GRB2: variants seen among roughly 807,000 people sequenced by gnomAD.
GRB2 encodes the protein growth factor receptor-bound protein 2.
Under a neutral mutation model 27.4 loss-of-function variants are expected in GRB2, and 2 were observed. The ratio of observed to expected loss-of-function variants is 0.07; its 90% CI spans 0.03 to 0.23. The LOEUF (loss-of-function observed/expected upper bound fraction) is 0.23. Among genes scored for constraint, GRB2 ranks in the 10% least tolerant of loss-of-function variants. The pLI, the probability that GRB2 is intolerant of heterozygous loss-of-function variation, is 1.00. For synonymous variants in GRB2, 94 were observed against 99.6 expected, an observed-to-expected ratio of 0.94 and a Z score of 0.33; for missense variants, 102 against 282.4, an observed-to-expected ratio of 0.36 and a Z score of 4.58.
intron 2 of GRB2, among the ~76,000 whole-genome samples, chr17:75,348,223 T>C (rs761511345): frequency 1.3e-5 from 2 of 152,190 alleles, no homozygotes; most frequent in Non-Finnish European, 2.9e-5. Context: ...TTTAAAATTT[T>C]TTTGTGGAGG....
chr17:75,384,383 T>C (rs891956952), intron 2 of GRB2, among the ~76,000 whole-genome samples: 1 of 152,140 alleles, frequency 6.6e-6, no homozygotes, highest in Non-Finnish European at 1.5e-5. Flanking sequence ...TTAATAAAAC[T>C]GATAGCTGGG....
At chr17:75,328,931 C>T (rs529672479) in intron 3 of GRB2, among the ~76,000 whole-genome samples, 82 of 130,552 alleles carry the variant, frequency 6.3e-4, no homozygotes, top group African/African-American at 2.2e-3. Flanking sequence ...AAGCGAGACT[C>T]GCTTTCAAAA....
intron 2 of GRB2, among the ~76,000 whole-genome samples, chr17:75,378,047 A>G (rs1286222692): frequency 6.6e-6 from 1 of 152,170 alleles, no homozygotes; most frequent in African/African-American, 2.4e-5. Context: ...AACCTTTATG[A>G]AATCATTTCT....
intron 2 of GRB2, among the ~76,000 whole-genome samples, chr17:75,369,127 T>C (rs1237167405): frequency 1.3e-5 from 2 of 152,240 alleles, no homozygotes; most frequent in Non-Finnish European, 2.9e-5. Flanking sequence ...CTAGGTCCTC[T>C]GTATCTGGCC....
At chr17:75,365,342 A>G (rs1385351982) in intron 2 of GRB2, among the ~76,000 whole-genome samples, 1 of 152,252 alleles carries the variant, frequency 6.6e-6, no homozygotes, top group Non-Finnish European at 1.5e-5. Flanking sequence ...AATTAGAACC[A>G]TTTAAATCTT....
At chr17:75,327,714 TA>T (rs1269954392) in intron 3 of GRB2, among the ~76,000 whole-genome samples, 2 of 152,164 alleles carry the variant, frequency 1.3e-5, no homozygotes, top group African/African-American at 4.8e-5. Flanking sequence ...AAGATGTACC[TA>T]AAATAATATA....
chr17:75,399,682 A>AT (rs35652643), intron 1 of GRB2, among the ~76,000 whole-genome samples: 56,998 of 146,932 alleles, frequency 0.39, 13,420 homozygotes, highest in Non-Finnish European at 0.53. Context: ...TTATTTATTT[A>AT]TTTTTTTGAG....
In GRB2 at chr17:75,356,489, C is replaced by T. The variant is rs575700190; in HGVS notation, c.79-23692G>A. On this transcript the variant is annotated intron_variant, in intron 2 of 5. Coordinates refer to ENST00000316804, the MANE Select transcript of GRB2 (RefSeq NM_002086.5). The stretch of plus-strand genomic sequence containing the variant: ...CACCACTGTACCGCAGCCTAAGTGA[C>T]AGGGCAAGACCCTATCATTCGTTCT... 4.6e-5 allele frequency among the ~76,000 whole-genome samples: 7 copies of T among 152,298 alleles called. No individual in the cohort carries two copies. The East Asian group carries it at 1.2e-3, about 25-fold the overall frequency.
At chr17:75,395,770 C>A (rs1438585211) in intron 1 of GRB2, among the ~76,000 whole-genome samples, 11 of 151,886 alleles carry the variant, frequency 7.2e-5, no homozygotes, top group African/African-American at 2.7e-4. Flanking sequence ...CTGGTTTAAT[C>A]AGTAGTATGT....
chr17:75,390,786 A>T (rs2145870676), intron 2 of GRB2, among the ~76,000 whole-genome samples: 1 of 152,334 alleles, frequency 6.6e-6, no homozygotes, highest in Non-Finnish European at 1.5e-5. Flanking sequence ...TCTGAACTAT[A>T]GACAGAGGAT....
At chr17:75,322,739 G>A (rs1434244512) in intron 4 of GRB2, among the ~76,000 whole-genome samples, 2 of 152,178 alleles carry the variant, frequency 1.3e-5, no homozygotes, top group Non-Finnish European at 2.9e-5. Context: ...GCTGGTACTA[G>A]CTCACAGGGT....
intron 1 of GRB2, chr17:75,404,838 T>C (rs1485428395): frequency 6.6e-6 from 1 of 152,178 alleles, no homozygotes. Flanking sequence ...ATGTGTGGCT[T>C]ACAATCATAG....
At chr17:75,363,597 C>T (rs2078799467) in intron 2 of GRB2, among the ~76,000 whole-genome samples, 1 of 151,634 alleles carries the variant, frequency 6.6e-6, no homozygotes. Context: ...TGGTGGCTCA[C>T]GCCTGTAATC....
At chr17:75,399,680 TTA>T (rs999121403) in intron 1 of GRB2, among the ~76,000 whole-genome samples, 3 of 121,474 alleles carry the variant, frequency 2.5e-5, no homozygotes, top group Non-Finnish European at 6.3e-5. Context: ...AATTATTTAT[TTA>T]TTTTTTTGAG....
rs2078481766 is a variant in GRB2, at chr17:75,324,370, T to C, written c.299+1528A>G. Among the ~76,000 whole-genome samples, 16 of 146,630 alleles carry C rather than the reference T, an allele frequency of 1.1e-4. No homozygotes were observed. In the South Asian group the frequency reaches 3.2e-3, roughly 29 times the overall value. On this transcript the variant is annotated intron_variant, in intron 4 of 5. Transcript: ENST00000316804. ...CCACGCCGAGGCCATTTTTGTATTT[T>C]TTTTTTTTTTTTTTTTTTTAGTAGA...
intron 2 of GRB2, among the ~76,000 whole-genome samples, chr17:75,375,294 C>A (rs1598245823): frequency 1.3e-5 from 2 of 151,958 alleles, no homozygotes; most frequent in African/African-American, 4.8e-5. Context: ...GGATACAAAT[C>A]CACAAAAGCT....
chr17:75,403,968 C>G (rs553497266), intron 1 of GRB2, among the ~76,000 whole-genome samples: 2 of 151,932 alleles, frequency 1.3e-5, no homozygotes, highest in South Asian at 2.1e-4. Context: ...ACAAAATTCG[C>G]TGGACATGGT....
chr17:75,354,196 C>G (rs925174096), intron 2 of GRB2, among the ~76,000 whole-genome samples: 4 of 140,104 alleles, frequency 2.9e-5, no homozygotes, highest in Non-Finnish European at 4.5e-5. Flanking sequence ...TCCCTCAGAA[C>G]TTGGAAGAGA....
intron 2 of GRB2, among the ~76,000 whole-genome samples, chr17:75,378,714 G>A (rs775084638): frequency 1.3e-5 from 2 of 152,124 alleles, no homozygotes; most frequent in Non-Finnish European, 2.9e-5. Flanking sequence ...CCAAGTTTAC[G>A]AACAACTACA....
Sources: allele counts gnomAD v4.1 joint callset (sites outside exome capture counted in the v4.1 genomes callset), GRCh38; gene constraint gnomAD v4.1.1; transcripts MANE v1.5; gene names NCBI Gene and HGNC (gene_info 2026-07-23, HGNC 2026-07-21).